Variants in UNC13B observed in about 807,000 individuals in gnomAD.
The protein encoded by UNC13B is protein unc-13 homolog B.
In UNC13B, 144 loss-of-function variants were observed where a neutral mutation model predicts 211.0. That is an observed-to-expected ratio of 0.68 (90% CI 0.60 to 0.78). The LOEUF (loss-of-function observed/expected upper bound fraction) is 0.78. UNC13B is among the 30% of genes least tolerant of loss of function. The pLI, the probability that UNC13B is intolerant of heterozygous loss-of-function variation, is 0.00. For missense variants in UNC13B, 1,777 were observed against 2,002.0 expected (o/e 0.89, Z 2.14); for synonymous variants, 709 against 725.8 (o/e 0.98, Z 0.37).
intron 26 of UNC13B, among the ~76,000 whole-genome samples, chr9:35,394,327 G>A (rs2093851117): frequency 6.6e-6 from 1 of 152,180 alleles, no homozygotes; most frequent in African/African-American, 2.4e-5. Flanking sequence ...CAGGCATGGG[G>A]GCTCACGCCT....
At chr9:35,173,430 T>C (rs1158236095) in intron 1 of UNC13B, among the ~76,000 whole-genome samples, 1 of 151,942 alleles carries the variant, frequency 6.6e-6, no homozygotes, top group East Asian at 1.9e-4. Flanking sequence ...TCTATCTTTT[T>C]TTTTTTTTTT....
At chr9:35,359,954 C>T (rs1833294992) in intron 11 of UNC13B, among the ~76,000 whole-genome samples, 1 of 152,170 alleles carries the variant, frequency 6.6e-6, no homozygotes, top group Admixed American at 6.5e-5. Context: ...AGAATGGACA[C>T]CAGCATTCTT....
At chr9:35,283,483 C>T (rs1192234005) in intron 7 of UNC13B, among the ~76,000 whole-genome samples, 1 of 152,074 alleles carries the variant, frequency 6.6e-6, no homozygotes, top group East Asian at 1.9e-4. Flanking sequence ...CTCAACAACA[C>T]CGTGCCCCCC....
Position 35,383,502 on chromosome 9 carries a change from AG to A in UNC13B, c.10807-743del, listed in dbSNP as rs370088427. On this transcript the variant is annotated intron_variant, in intron 21 of 39. Transcript: ENST00000635942. ...CTTTCTGTAGATGTGTAACTTATTA[AG>A]CCAGTCAAATATTTGTTCCATTTTG... Among the ~76,000 whole-genome samples, 95 of 152,312 alleles carry A rather than the reference AG, an allele frequency of 6.2e-4. 1 individual carries two copies. The South Asian group carries it at 0.015, about 25-fold the overall frequency.
intron 1 of UNC13B, among the ~76,000 whole-genome samples, chr9:35,208,010 T>C (rs1037529495): frequency 3.9e-5 from 6 of 152,252 alleles, no homozygotes; most frequent in African/African-American, 1.4e-4. Context: ...GTGAGGTTTT[T>C]GGTTTGCTTT....
chr9:35,282,730 T>G (rs1165421581), intron 7 of UNC13B, among the ~76,000 whole-genome samples: 1 of 152,112 alleles, frequency 6.6e-6, no homozygotes. Flanking sequence ...CCACCATGCC[T>G]GATCATGTCT....
chr9:35,399,313 G>A, intron 34 of UNC13B, 29 bp downstream of exon 34: 1 of 1,614,118 alleles, frequency 6.2e-7, no homozygotes, highest in Non-Finnish European at 8.5e-7. Context: ...ACTTCCTCCT[G>A]CTGTCTCCCT....
intron 1 of UNC13B, among the ~76,000 whole-genome samples, chr9:35,220,460 T>C (rs550614077): frequency 2.0e-5 from 3 of 151,900 alleles, no homozygotes; most frequent in Non-Finnish European, 2.9e-5. Context: ...CTTCTGTTAT[T>C]GGTAGTTCTA....
intron 11 of UNC13B, among the ~76,000 whole-genome samples, chr9:35,335,226 A>C (rs1394281206): frequency 6.6e-6 from 1 of 152,248 alleles, no homozygotes. Context: ...TTAGCAGTTA[A>C]GTATCAGGAA....
intron 38 of UNC13B, 80 bp downstream of exon 38, chr9:35,403,339 C>T (rs1836454018): frequency 6.2e-7 from 1 of 1,602,248 alleles, no homozygotes; most frequent in African/African-American, 1.3e-5. Context: ...CTGCTCATCC[C>T]AGCCCTCCAG....
At chr9:35,297,706 T>TACCAC (rs1829461808) in intron 8 of UNC13B, among the ~76,000 whole-genome samples, 1 of 151,734 alleles carries the variant, frequency 6.6e-6, no homozygotes, top group Non-Finnish European at 1.5e-5. Flanking sequence ...CCCGCCACCG[T>TACCAC]GCCCGGCTAA....
chr9:35,336,528 G>A (rs188311213), intron 11 of UNC13B, among the ~76,000 whole-genome samples: 33 of 152,098 alleles, frequency 2.2e-4, no homozygotes, highest in Admixed American at 7.9e-4. Flanking sequence ...AAAGAGTCTC[G>A]CTCTGTCACC....
Position 35,304,645 on chromosome 9 carries a change from A to G in UNC13B, c.5241A>G (p.Leu1747=). The G allele has an allele frequency of 2.5e-6, 1 of 398,890 alleles. No individual in the cohort carries two copies. The highest frequency in any genetic ancestry group is 1.3e-4 in the South Asian group (1 of 7,852). 24.7% of individuals were successfully genotyped at this position (398,890 alleles called of 1,614,324 possible). ...CACAACAAGCAGAAGAGACATCATTAGTGAACAAAGTGGCTTCAGTATTTT... is the reference window on the plus strand; with the variant it reads ...CACAACAAGCAGAAGAGACATCATTGGTGAACAAAGTGGCTTCAGTATTTT... ...KGSQQAEETS[L]VNKVASVFSV... The change falls in exon 9 of 40, where the codon TTA becomes TTG. Residue 1747 remains leucine (L), a synonymous_variant. Coordinates refer to ENST00000635942, the MANE Select transcript of UNC13B (RefSeq NM_001371189.2).
chr9:35,293,830 T>C (rs1278019712), intron 7 of UNC13B, among the ~76,000 whole-genome samples: 1 of 152,238 alleles, frequency 6.6e-6, no homozygotes, highest in Non-Finnish European at 1.5e-5. Flanking sequence ...ATGTCAAGTA[T>C]TAACTAATAC....
chr9:35,235,187 G>A (rs1018462510), intron 3 of UNC13B, among the ~76,000 whole-genome samples: 21 of 152,070 alleles, frequency 1.4e-4, no homozygotes, highest in Non-Finnish European at 2.9e-4. Flanking sequence ...GCTCTTTATG[G>A]AATGATTTCT....
At position 35,304,951 on chromosome 9, in the gene UNC13B, G is replaced by A; in HGVS notation, c.5547G>A (p.Val1849=). The change falls in exon 9 of 40, where the codon GTG becomes GTA. Residue 1849 remains valine, a synonymous_variant. Coordinates refer to ENST00000635942, the MANE Select transcript of UNC13B (RefSeq NM_001371189.2). ...TCTCTTTAAATAAAAACAACCATGT[G>A]AAAAAGCAAAGTTTGTTAAAATCTG... is the stretch of plus-strand genomic sequence containing the variant. The part of the protein sequence containing the change: ...QEFSLNKNNH[V]KKQSLLKSGF... 1 of 398,912 alleles carries A rather than the reference G, an allele frequency of 2.5e-6. No homozygotes were observed. The highest frequency in any genetic ancestry group is 4.4e-6 in the Non-Finnish European group (1 of 225,980). 24.7% of individuals were successfully genotyped at this position (398,912 alleles called of 1,614,324 possible).
At chr9:35,209,438 C>T (rs887289189) in intron 1 of UNC13B, among the ~76,000 whole-genome samples, 5 of 152,084 alleles carry the variant, frequency 3.3e-5, no homozygotes, top group African/African-American at 1.2e-4. Context: ...AGTGCAGTGG[C>T]ATGACTTTGG....
chr9:35,402,026 A>T, intron 37 of UNC13B: 4 of 1,549,546 alleles, frequency 2.6e-6, no homozygotes, highest in Non-Finnish European at 3.5e-6. Context: ...TACACCGTGC[A>T]GATATGGATC....
intron 6 of UNC13B, among the ~76,000 whole-genome samples, chr9:35,246,985 G>T (rs1564090784): frequency 6.6e-6 from 1 of 152,202 alleles, no homozygotes; most frequent in Non-Finnish European, 1.5e-5. Flanking sequence ...CTATTCATGA[G>T]CATGGAATGT....
Sources: gnomAD v4.1 joint callset for allele counts (sites outside exome capture counted in the v4.1 genomes callset) on GRCh38, gnomAD v4.1.1 for gene constraint, MANE v1.5 for transcripts, NCBI Gene and HGNC (gene_info 2026-07-23, HGNC 2026-07-21) for gene names.